Variants in FBXO22 observed in about 807,000 individuals in gnomAD.
FBXO22 encodes the protein F-box protein 22, also known as F-box only protein 22.
FBXO22 carries 13 observed loss-of-function variants against 37.2 expected under a neutral mutation model. The ratio of observed to expected loss-of-function variants is 0.35; its 90% CI spans 0.23 to 0.56. The LOEUF (loss-of-function observed/expected upper bound fraction) is 0.56. Among genes scored for constraint, FBXO22 ranks in the 20% least tolerant of loss-of-function variants. FBXO22 has a pLI of 0.87. For missense variants in FBXO22, 446 were observed against 509.9 expected (o/e 0.87, Z 1.21); for synonymous variants, 189 against 189.1 (o/e 1.00, Z 0.00).
rs1164254950 is a variant in FBXO22 at position 75,940,317 on chromosome 15, C to T, written c.*7215C>T. On this transcript the variant is annotated 3_prime_UTR_variant, in exon 7 of 7. Transcript: ENST00000308275. ...TAAATGGCTTGTACAATGAAAACTA[C>T]AAAACATTGCTTCAATAAAGATAAA... 6.6e-6 allele frequency: 1 copy of T among 151,886 alleles called. No individual in the cohort carries two copies. The highest frequency in any genetic ancestry group is 1.9e-4 in the East Asian group (1 of 5,194). The allele number at this position is 151,886 out of a possible 1,614,324, so 9.4% of individuals were successfully genotyped here. A position where few individuals can be genotyped will look rare whatever the true frequency, so the allele number is the denominator to read the frequency against.
In FBXO22 at chr15:75,929,886, C is replaced by G. The variant is rs372803008; in HGVS notation, c.631C>G (p.Leu211Val). ...TGTTGCTCTTCATTTCTCTGCAGGTCTTTTAGATAACCCTGAACTTCGTGT... is the reference window on the plus strand; with the variant it reads ...TGTTGCTCTTCATTTCTCTGCAGGTGTTTTAGATAACCCTGAACTTCGTGT... Reference protein sequence around the residue: ...LERHQLTEVGLLDNPELRVVL... With the variant: ...LERHQLTEVGVLDNPELRVVL... Residue 211 changes from leucine (L) to valine (V), a missense_variant and splice_region_variant, in exon 6 of 7, where the codon CTT (leucine) becomes GTT (valine). By Grantham distance (32) the Leu-to-Val change is conservative. This residue lies in a region of FBXO22 where 315 missense variants were observed against 410.1 expected (regional missense o/e 0.77). Coordinates refer to ENST00000308275, the MANE Select transcript of FBXO22 (RefSeq NM_147188.3). 191 of 1,613,912 alleles carry G rather than the reference C, an allele frequency of 1.2e-4. 2 individuals are homozygous for G. The highest frequency in any genetic ancestry group is 1.2e-3 in the East Asian group (52 of 44,872).
At chr15:75,919,335 G>A (rs1229069895) in intron 5 of FBXO22, among the ~76,000 whole-genome samples, 6 of 152,092 alleles carry the variant, frequency 3.9e-5, no homozygotes, top group Non-Finnish European at 8.8e-5. Flanking sequence ...TACAAAAATG[G>A]TAACTGTGAG....
Position 75,941,310 on chromosome 15 carries a change from G to T in FBXO22, c.*8208G>T, listed in dbSNP as rs948927905. 5.3e-5 allele frequency: 8 copies of T among 152,222 alleles called. No individual in the cohort carries two copies. The East Asian group carries it at 1.4e-3, about 26-fold the overall frequency. The allele number at this position is 152,222 out of a possible 1,614,324, so 9.4% of individuals were successfully genotyped here. On this transcript the variant is annotated 3_prime_UTR_variant, in exon 7 of 7. Transcript: ENST00000308275. ...GTGTTGGCAAGGATGTGGAGAAATT[G>T]GAACTCTTATTACTGATGGAAATAT...
intron 5 of FBXO22, among the ~76,000 whole-genome samples, chr15:75,928,141 A>G (rs918752491): frequency 1.3e-5 from 2 of 151,916 alleles, no homozygotes; most frequent in East Asian, 3.9e-4. Flanking sequence ...ACACTTATAC[A>G]CTGTCGGTGG....
chr15:75,935,767 AAAT>A lies in FBXO22; in HGVS notation c.*2668_*2670del, dbSNP rs1157234981. On this transcript the variant is annotated 3_prime_UTR_variant, in exon 7 of 7. Transcript: ENST00000308275. ...GTGAACATGCAAAGAATTACAATAG[AAAT>A]AAACTTTTACAAATCTGAGAACTTT... is the stretch of plus-strand genomic sequence containing the variant. 1 of 152,052 alleles carries A rather than the reference AAAT, an allele frequency of 6.6e-6. No individual in the cohort carries two copies. The highest frequency in any genetic ancestry group is 2.4e-5 in the African/African-American group (1 of 41,388). The allele number at this position is 152,052 out of a possible 1,614,324, so 9.4% of individuals were successfully genotyped here. A position where few individuals can be genotyped will look rare whatever the true frequency, so the allele number is the denominator to read the frequency against.
chr15:75,910,814 T>A (rs532580095), intron 2 of FBXO22, among the ~76,000 whole-genome samples: 7 of 152,224 alleles, frequency 4.6e-5, no homozygotes, highest in Non-Finnish European at 7.3e-5. Flanking sequence ...TTGCTTTTGG[T>A]GTTTTAGTCA....
At chr15:75,924,145 G>C (rs1481656012) in intron 5 of FBXO22, among the ~76,000 whole-genome samples, 1 of 152,180 alleles carries the variant, frequency 6.6e-6, no homozygotes, top group African/African-American at 2.4e-5. Flanking sequence ...GAATGGTCTA[G>C]AGGAAAGATA....
Position 75,939,398 on chromosome 15 carries a change from A to G in FBXO22, c.*6296A>G, listed in dbSNP as rs2030707074. The G allele has an allele frequency of 6.6e-6, 1 of 152,194 alleles. No homozygotes were observed. The highest frequency in any genetic ancestry group is 6.5e-5 in the Admixed American group (1 of 15,286). The allele number at this position is 152,194 out of a possible 1,614,324, so 9.4% of individuals were successfully genotyped here. ...AATTTAAAAATCTCAATAGAACTAT[A>G]ACCAGTAAGGTAATTGAATTAGTAA... On this transcript the variant is annotated 3_prime_UTR_variant, in exon 7 of 7. Coordinates refer to ENST00000308275, the MANE Select transcript of FBXO22 (RefSeq NM_147188.3).
rs371755802 is a variant in FBXO22 at position 75,905,753 on chromosome 15, A to G, written c.279+1124A>G. ...TTGACACTTAGGAAAATCACAGGCT[A>G]TTTTGTAGAACATCCATCAATTGTG... On this transcript the variant is annotated intron_variant, in intron 2 of 6. Transcript: ENST00000308275. 6 of 152,200 alleles carry G rather than the reference A, an allele frequency of 3.9e-5. No individual in the cohort carries two copies. In the East Asian group the frequency reaches 5.8e-4, roughly 15 times the overall value. 9.4% of individuals were successfully genotyped at this position (152,200 alleles called of 1,614,324 possible).
intron 6 of FBXO22, among the ~76,000 whole-genome samples, chr15:75,932,176 T>C (rs1685026418): frequency 6.6e-6 from 1 of 152,244 alleles, no homozygotes; most frequent in African/African-American, 2.4e-5. Context: ...ATTGTGCCAC[T>C]GCACTTCAGC....
Position 75,904,472 on chromosome 15 carries a change from TGTGCGTTTGCGTCCTCAGC to T in FBXO22, c.141-15_144del. ...AAATGAACGTCCGTTCGCAATCCTT[TGTGCGTTTGCGTCCTCAGC>T]GTGTGCCGCTTATGGAGGGAGTGTG... On this transcript the variant is annotated splice_acceptor_variant and splice_polypyrimidine_tract_variant and coding_sequence_variant and intron_variant, in exon 2 of 7. Coordinates refer to ENST00000308275, the MANE Select transcript of FBXO22 (RefSeq NM_147188.3). LOFTEE classifies it high-confidence loss of function. The T allele has an allele frequency of 2.5e-6, 4 of 1,613,698 alleles. No individual in the cohort carries two copies. Among genetic ancestry groups the T allele is most frequent in the Non-Finnish European group, 3.4e-6 (4 of 1,179,824 alleles).
chr15:75,925,835 G>C (rs1291442548), intron 5 of FBXO22, among the ~76,000 whole-genome samples: 1 of 152,156 alleles, frequency 6.6e-6, no homozygotes. Flanking sequence ...GGAGGAGGGT[G>C]GGGGCTTGGT....
intron 2 of FBXO22, among the ~76,000 whole-genome samples, chr15:75,906,592 T>C (rs776866817): frequency 5.9e-5 from 9 of 152,140 alleles, no homozygotes; most frequent in African/African-American, 4.8e-5. Flanking sequence ...TATTTAGATA[T>C]TACATCAATG....
intron 5 of FBXO22, among the ~76,000 whole-genome samples, chr15:75,924,524 T>G (rs1900398952): frequency 6.6e-6 from 1 of 152,160 alleles, no homozygotes; most frequent in African/African-American, 2.4e-5. Flanking sequence ...ACTGGAGGCA[T>G]CTTTGGAACG....
At chr15:75,905,641 A>G (rs538832007) in intron 2 of FBXO22, 1 of 152,370 alleles carries the variant, frequency 6.6e-6, no homozygotes, top group South Asian at 2.1e-4. Flanking sequence ...TCTGTTCCCA[A>G]TTGCAATTTG....
At position 75,908,677 on chromosome 15, in the gene FBXO22, G is replaced by A. The variant is rs141884496; in HGVS notation, c.279+4048G>A. The stretch of plus-strand genomic sequence containing the variant: ...AAGAGGGTCAGGTAGCTCAATAGTC[G>A]TAGCACCATGGCAGTCTGGAAAGGC... On this transcript the variant is annotated intron_variant, in intron 2 of 6. Coordinates refer to ENST00000308275, the MANE Select transcript of FBXO22 (RefSeq NM_147188.3). Among the ~76,000 whole-genome samples the A allele has an allele frequency of 8.4e-3, 1,284 of 152,280 alleles. 9 individuals are homozygous for A. Among genetic ancestry groups the A allele is most frequent in the Non-Finnish European group, 0.014 (925 of 68,024 alleles).
At chr15:75,912,349 A>G (rs1900077393) in intron 2 of FBXO22, among the ~76,000 whole-genome samples, 1 of 152,176 alleles carries the variant, frequency 6.6e-6, no homozygotes, top group Admixed American at 6.5e-5. Context: ...GAATGGTATT[A>G]GTTCCTCTTT....
chr15:75,904,928 A>G (rs897029298), intron 2 of FBXO22, among the ~76,000 whole-genome samples: 2 of 146,768 alleles, frequency 1.4e-5, no homozygotes, highest in African/African-American at 5.1e-5. Context: ...GGTTCACGCC[A>G]TTCTCCTGCC....
chr15:75,904,570 G>T lies in FBXO22; in HGVS notation c.220G>T (p.Ala74Ser). 1 of 1,613,768 alleles carries T rather than the reference G, an allele frequency of 6.2e-7. No individual in the cohort carries two copies. Residue 74 changes from alanine (A) to serine (S), a missense_variant, in exon 2 of 7, where the codon GCG becomes TCG. Coordinates refer to ENST00000308275, the MANE Select transcript of FBXO22 (RefSeq NM_147188.3). ...CGTAACCTGGATCTCCGCAGGCCTG[G>T]CGGAGGCCGGCCACCTGGAGGGGCA... Reference protein sequence around the residue: ...RSVTWISAGLAEAGHLEGHCL... With the variant: ...RSVTWISAGLSEAGHLEGHCL...
Sources: allele counts gnomAD v4.1 joint callset (sites outside exome capture counted in the v4.1 genomes callset), GRCh38; gene constraint gnomAD v4.1.1; regional missense constraint gnomAD v4.1.1; transcripts MANE v1.5; gene names NCBI Gene and HGNC (gene_info 2026-07-23, HGNC 2026-07-21).